UIMC1: variants seen among roughly 807,000 people sequenced by gnomAD.
The protein encoded by UIMC1 is ubiquitin interaction motif containing 1, also known as BRCA1-A complex subunit RAP80.
Under a neutral mutation model 84.9 loss-of-function variants are expected in UIMC1, and 42 were observed. That is an observed-to-expected ratio of 0.49 (90% confidence interval 0.39 to 0.64). UIMC1 has a LOEUF of 0.64. Among genes scored for constraint, UIMC1 ranks in the 30% least tolerant of loss-of-function variants. UIMC1 has a pLI of 0.00. For missense variants in UIMC1, 825 were observed against 847.6 expected, an observed-to-expected ratio of 0.97 and a Z score of 0.33; for synonymous variants, 281 against 293.0, an observed-to-expected ratio of 0.96 and a Z score of 0.42.
chr5:177,020,807 A>G lies in UIMC1; in HGVS notation c.-9+1657T>C, dbSNP rs188579375. 2.2e-3 allele frequency among the ~76,000 whole-genome samples: 335 copies of G among 152,304 alleles called. 2 individuals carry two copies. Among genetic ancestry groups the G allele is most frequent in the Non-Finnish European group, 3.1e-3 (211 of 68,032 alleles). On this transcript the variant is annotated intron_variant, in intron 1 of 5. Coordinates refer to the UIMC1 transcript ENST00000509236. ...CTACAGCTTCCCTGTCTTGTTCACC[A>G]CTATATTTCCATGCTCAAAATATCA...
At position 176,943,348 on chromosome 5, in the gene UIMC1, C is replaced by G. The variant is rs200945557; in HGVS notation, c.1584G>C (p.Met528Ile). 3.7e-6 allele frequency: 6 copies of G among 1,613,968 alleles called. No individual in the cohort carries two copies. The highest frequency in any genetic ancestry group is 5.1e-6 in the Non-Finnish European group (6 of 1,179,950). ...ERHAMYCNGL[M>I]EEDTVLTRRQ... ...CTGGGTCTTTACCTGTATCTTCCTC[C>G]ATCAGACCATTGCAGTACATGGCAT... The change falls in exon 10 of 15, where the codon ATG (methionine) becomes ATC (isoleucine). Residue 528 changes from methionine to isoleucine, a missense_variant. Transcript: ENST00000511320.
chr5:176,989,438 T>A (rs1680196612), intron 1 of UIMC1, among the ~76,000 whole-genome samples: 1 of 151,864 alleles, frequency 6.6e-6, no homozygotes, highest in Non-Finnish European at 1.5e-5. Flanking sequence ...GGTGAGAGGA[T>A]CATCTGAGGA....
At chr5:177,004,412 ACAAG>A (rs1461548130) in intron 1 of UIMC1, among the ~76,000 whole-genome samples, 1 of 152,184 alleles carries the variant, frequency 6.6e-6, no homozygotes, top group Non-Finnish European at 1.5e-5. Context: ...GTTCATTTAA[ACAAG>A]CAAGCCTGTA....
At chr5:176,922,362 T>C (rs1236274637) in intron 10 of UIMC1, among the ~76,000 whole-genome samples, 1 of 152,202 alleles carries the variant, frequency 6.6e-6, no homozygotes, top group Non-Finnish European at 1.5e-5. Context: ...TCAGAGGGGC[T>C]TTCTAAGTTG....
chr5:176,916,894 T>C (rs1761042815), intron 10 of UIMC1, among the ~76,000 whole-genome samples: 1 of 152,184 alleles, frequency 6.6e-6, no homozygotes, highest in Non-Finnish European at 1.5e-5. Flanking sequence ...ATCAACATAT[T>C]TGTTTCCAAA....
At chr5:176,973,040 G>A (rs531025803) in intron 3 of UIMC1, among the ~76,000 whole-genome samples, 64 of 151,384 alleles carry the variant, frequency 4.2e-4, no homozygotes, top group Non-Finnish European at 1.0e-4. Context: ...CTCAGCCTCC[G>A]AAGTAGTTGG....
At chr5:177,008,579 A>ATC (rs145163673), upstream of UIMC1, among the ~76,000 whole-genome samples, 1,377 of 152,282 alleles carry the variant, frequency 9.0e-3, 21 homozygotes, top group African/African-American at 0.031. Context: ...CTTTTAGGGC[A>ATC]TCTTACTTCA....
intron 1 of UIMC1, among the ~76,000 whole-genome samples, chr5:177,017,632 A>G (rs1351379359): frequency 6.6e-6 from 1 of 150,682 alleles, no homozygotes; most frequent in Non-Finnish European, 1.5e-5. Context: ...TTGGCCTCCC[A>G]AAGTGCTATG....
At chr5:176,926,595 C>T (rs1237704253) in intron 10 of UIMC1, among the ~76,000 whole-genome samples, 2 of 151,886 alleles carry the variant, frequency 1.3e-5, no homozygotes, top group Non-Finnish European at 2.9e-5. Flanking sequence ...TATGATCATG[C>T]CAGTGCACTT....
At chr5:176,952,966 C>T (rs530259560) in intron 8 of UIMC1, among the ~76,000 whole-genome samples, 66 of 152,312 alleles carry the variant, frequency 4.3e-4, no homozygotes, top group African/African-American at 1.4e-3. Context: ...GAAATCCCAA[C>T]CCCTAATGTG....
At chr5:176,918,087 T>C (rs1037471256) in intron 10 of UIMC1, among the ~76,000 whole-genome samples, 6 of 152,254 alleles carry the variant, frequency 3.9e-5, no homozygotes, top group Non-Finnish European at 7.3e-5. Context: ...CAAGTTCCCA[T>C]TGGATAGTGC....
At chr5:176,968,008 G>A (rs1051344921) in intron 6 of UIMC1, among the ~76,000 whole-genome samples, 8 of 151,894 alleles carry the variant, frequency 5.3e-5, no homozygotes, top group African/African-American at 1.9e-4. Flanking sequence ...AAAGTAGGGA[G>A]AGGAACAAAA....
At chr5:176,938,715 T>TA (rs1462445257) in intron 10 of UIMC1, among the ~76,000 whole-genome samples, 1 of 152,142 alleles carries the variant, frequency 6.6e-6, no homozygotes, top group African/African-American at 2.4e-5. Flanking sequence ...TATCCAGACC[T>TA]AACCAGCCTG....
intron 10 of UIMC1, among the ~76,000 whole-genome samples, chr5:176,938,195 A>G (rs867639908): frequency 3.5e-3 from 522 of 150,106 alleles, no homozygotes; most frequent in Middle Eastern, 0.017. Context: ...GTCTCAAAAA[A>G]AAAAAAAAAA....
intron 9 of UIMC1, among the ~76,000 whole-genome samples, chr5:176,946,692 AG>A (rs931722986): frequency 1.2e-3 from 185 of 152,016 alleles, no homozygotes; most frequent in African/African-American, 4.3e-3. Flanking sequence ...AAAATTAGCC[AG>A]GGGTGGTGGC....
rs188647202 is a variant in UIMC1 at position 176,954,389 on chromosome 5, G to A, written c.1339+1570C>T. On this transcript the variant is annotated intron_variant, in intron 8 of 14. Transcript: ENST00000511320. ...GTAGTGTAGTCTCTTAGTGGGTATT[G>A]TTAGGCAGTAATCCAAACACATTTC... Among the ~76,000 whole-genome samples the A allele has an allele frequency of 2.6e-3, 400 of 152,038 alleles. 1 individual carries two copies. The highest frequency in any genetic ancestry group is 4.5e-3 in the Non-Finnish European group (309 of 67,956).
intron 1 of UIMC1, among the ~76,000 whole-genome samples, chr5:176,985,568 A>C (rs1253883698): frequency 6.6e-6 from 1 of 152,064 alleles, no homozygotes; most frequent in Non-Finnish European, 1.5e-5. Context: ...CAATTTAGAT[A>C]ATTGCTTTTC....
intron 1 of UIMC1, among the ~76,000 whole-genome samples, chr5:176,997,674 G>A (rs1191394075): frequency 1.4e-4 from 14 of 97,570 alleles, no homozygotes; most frequent in African/African-American, 7.5e-4. Context: ...AACAGAGCGA[G>A]ACTCTGTCTC....
chr5:176,977,059 C>A (rs1770192530), intron 2 of UIMC1, among the ~76,000 whole-genome samples: 1 of 152,098 alleles, frequency 6.6e-6, no homozygotes, highest in African/African-American at 2.4e-5. Context: ...CCAATCTCTA[C>A]TAAAAATACA....
Sources: gnomAD v4.1 joint callset for allele counts (sites outside exome capture counted in the v4.1 genomes callset) on GRCh38, gnomAD v4.1.1 for gene constraint, MANE v1.5 for transcripts, NCBI Gene and HGNC (gene_info 2026-07-23, HGNC 2026-07-21) for gene names.